MAP3K7CL: variants seen among roughly 807,000 people sequenced by gnomAD.
MAP3K7CL encodes the protein MAP3K7 C-terminal-like protein.
In MAP3K7CL, 16 loss-of-function variants were observed where a neutral mutation model predicts 18.6. The observed-to-expected ratio is 0.86, with a 90% CI of 0.58 to 1.31. The LOEUF (loss-of-function observed/expected upper bound fraction) is 1.31, where lower values mean the gene tolerates loss of function less well. MAP3K7CL is among the 50% of genes most tolerant of loss of function. The pLI, the probability that MAP3K7CL is intolerant of heterozygous loss-of-function variation, is 0.00. For missense variants in MAP3K7CL, 163 were observed against 174.4 expected (o/e 0.93, Z 0.37); for synonymous variants, 65 against 66.8 (o/e 0.97, Z 0.13).
At chr21:29,147,281 C>T (rs2087150601) in intron 2 of MAP3K7CL, among the ~76,000 whole-genome samples, 2 of 151,712 alleles carry the variant, frequency 1.3e-5, no homozygotes. Flanking sequence ...TATAAGTGTA[C>T]TGCATATGTA....
At chr21:29,115,243 G>C (rs930642957) in intron 4 of MAP3K7CL, among the ~76,000 whole-genome samples, 5 of 152,148 alleles carry the variant, frequency 3.3e-5, no homozygotes, top group African/African-American at 1.2e-4. Flanking sequence ...ATCCTGTTTA[G>C]CTTGTCATTT....
At chr21:29,093,975 A>G (rs551581493) in intron 4 of MAP3K7CL, among the ~76,000 whole-genome samples, 1 of 152,286 alleles carries the variant, frequency 6.6e-6, no homozygotes, top group Admixed American at 6.5e-5. Flanking sequence ...TAAACTGTAA[A>G]CTGTTTAAAG....
chr21:29,133,348 A>G lies in MAP3K7CL; in HGVS notation c.4A>G (p.Ile2Val). 3 of 1,550,426 alleles carry G rather than the reference A, an allele frequency of 1.9e-6. No individual in the cohort carries two copies. The highest frequency in any genetic ancestry group is 2.6e-6 in the Non-Finnish European group (3 of 1,146,894). Residue 2 changes from isoleucine to valine, a missense_variant, in exon 2 of 5, where the codon ATC becomes GTC. Ile to Val is a conservative substitution (Grantham distance 29). Coordinates refer to ENST00000399928, the MANE Select transcript of MAP3K7CL (RefSeq NM_001286620.2). MISTARVPADKP... is the reference protein window; with the variant it reads MVSTARVPADKP... ...AGGCGGAGGCTCAGGTGCCCACATGATCAGCACAGCCAGGGTACCTGCTGA... is the reference window on the plus strand; with the variant it reads ...AGGCGGAGGCTCAGGTGCCCACATGGTCAGCACAGCCAGGGTACCTGCTGA...
chr21:29,108,000 A>G lies in MAP3K7CL; in HGVS notation c.370+15419A>G, dbSNP rs115264739. 4.8e-3 allele frequency among the ~76,000 whole-genome samples: 732 copies of G among 152,330 alleles called. 7 individuals are homozygous for G. The highest frequency in any genetic ancestry group is 0.017 in the African/African-American group (701 of 41,574). Reference sequence around the variant, plus strand: ...CATTGCAAGGAACATACTTATTTACATATATTTTGATAAATGGGATTAGTT... The same window carrying G: ...CATTGCAAGGAACATACTTATTTACGTATATTTTGATAAATGGGATTAGTT... On this transcript the variant is annotated intron_variant, in intron 4 of 6. Transcript: ENST00000286791.
chr21:29,161,302 ACT>A (rs1405399131), intron 4 of MAP3K7CL, among the ~76,000 whole-genome samples: 1 of 151,914 alleles, frequency 6.6e-6, no homozygotes, highest in African/African-American at 2.4e-5. Flanking sequence ...ACAGAGTGAG[ACT>A]CTATCTCAAA....
chr21:29,078,684 A>G (rs891746606), intron 1 of MAP3K7CL, among the ~76,000 whole-genome samples: 2 of 152,172 alleles, frequency 1.3e-5, no homozygotes, highest in African/African-American at 4.8e-5. Flanking sequence ...CCAAAAGAGT[A>G]AGACTAAACA....
intron 4 of MAP3K7CL, among the ~76,000 whole-genome samples, chr21:29,165,485 C>T (rs1411873755): frequency 6.6e-6 from 1 of 152,194 alleles, no homozygotes; most frequent in African/African-American, 2.4e-5. Context: ...CCTCACTCCT[C>T]TCCCACCCTT....
intron 4 of MAP3K7CL, among the ~76,000 whole-genome samples, chr21:29,095,109 G>A (rs1481359271): frequency 6.7e-6 from 1 of 148,178 alleles, no homozygotes; most frequent in African/African-American, 2.5e-5. Flanking sequence ...GAGAGGGGAG[G>A]GGAGGGGAAG....
At chr21:29,167,636 C>T (rs368641385) in intron 4 of MAP3K7CL, among the ~76,000 whole-genome samples, 9 of 149,658 alleles carry the variant, frequency 6.0e-5, no homozygotes, top group Admixed American at 2.7e-4. Context: ...CTCACAGATT[C>T]GGGAGGGAGA....
chr21:29,148,685 G>A (rs889392868), intron 2 of MAP3K7CL, among the ~76,000 whole-genome samples: 1 of 152,152 alleles, frequency 6.6e-6, no homozygotes, highest in Non-Finnish European at 1.5e-5. Context: ...CTGTAACCCA[G>A]AATGAGTTTC....
chr21:29,173,483 C>G (rs748641077), intron 4 of MAP3K7CL, among the ~76,000 whole-genome samples: 1 of 152,170 alleles, frequency 6.6e-6, no homozygotes, highest in East Asian at 1.9e-4. Flanking sequence ...CAGTACAAAG[C>G]CTTCCCTTTG....
upstream of MAP3K7CL, chr21:29,130,473 C>A: frequency 4.5e-6 from 2 of 445,300 alleles, no homozygotes; most frequent in Non-Finnish European, 3.0e-6. Flanking sequence ...TAGACACAGA[C>A]ACCGATTGGG....
At chr21:29,162,041 A>G (rs370047148) in intron 4 of MAP3K7CL, among the ~76,000 whole-genome samples, 7 of 152,312 alleles carry the variant, frequency 4.6e-5, no homozygotes, top group African/African-American at 1.4e-4. Flanking sequence ...GTTTTGATAA[A>G]GTTGCTTGGA....
chr21:29,152,057 T>C lies in MAP3K7CL; in HGVS notation c.132+2807T>C, dbSNP rs546432004. ...TGAATGGAGAGTGTGTTACCAGCAA[T>C]ACAACCAAACACATTTCAGTAAGTG... On this transcript the variant is annotated intron_variant, in intron 3 of 4. Transcript: ENST00000399928. Among the ~76,000 whole-genome samples, 9 of 152,272 alleles carry C rather than the reference T, an allele frequency of 5.9e-5. No homozygotes were observed. The East Asian group carries it at 1.5e-3, about 26-fold the overall frequency.
At chr21:29,145,623 A>C (rs568188352) in intron 2 of MAP3K7CL, 2 of 152,314 alleles carry the variant, frequency 1.3e-5, no homozygotes, top group East Asian at 3.9e-4. Flanking sequence ...GCAGCTTCGC[A>C]AGCCCTGAAA....
intron 3 of MAP3K7CL, among the ~76,000 whole-genome samples, chr21:29,154,589 C>T (rs1012207935): frequency 5.3e-5 from 8 of 152,080 alleles, no homozygotes; most frequent in African/African-American, 1.4e-4. Flanking sequence ...TCCTGTTATC[C>T]AAGCAGCCTC....
At chr21:29,115,017 A>G (rs888251447) in intron 4 of MAP3K7CL, among the ~76,000 whole-genome samples, 1 of 152,168 alleles carries the variant, frequency 6.6e-6, no homozygotes. Context: ...TCCTCAGCTG[A>G]TGCAAACCAT....
chr21:29,096,320 A>G (rs2086121100), intron 4 of MAP3K7CL, among the ~76,000 whole-genome samples: 1 of 152,264 alleles, frequency 6.6e-6, no homozygotes, highest in Admixed American at 6.5e-5. Flanking sequence ...TGAATAAGAC[A>G]GATGCAGTTC....
upstream of MAP3K7CL, among the ~76,000 whole-genome samples, chr21:29,126,753 C>T (rs796158524): frequency 1.3e-5 from 2 of 152,254 alleles, no homozygotes; most frequent in African/African-American, 4.8e-5. Flanking sequence ...GCCACCGTGC[C>T]TGGCTCACAA....
Sources: gnomAD v4.1 joint callset for allele counts (sites outside exome capture counted in the v4.1 genomes callset) on GRCh38, gnomAD v4.1.1 for gene constraint, MANE v1.5 for transcripts, NCBI Gene and HGNC (gene_info 2026-07-23, HGNC 2026-07-21) for gene names.